PMM2: variants seen among roughly 807,000 people sequenced by gnomAD.
PMM2 encodes the protein mannose-6-phosphate isomerase.
PMM2 carries 35 observed loss-of-function variants against 33.2 expected under a neutral mutation model. That is an observed-to-expected ratio of 1.06 (90% confidence interval 0.81 to 1.40). The LOEUF (loss-of-function observed/expected upper bound fraction) is 1.40, where lower values mean the gene tolerates loss of function less well. PMM2 is among the 40% of genes most tolerant of loss of function. The probability of loss-of-function intolerance (pLI) is 0.00; values close to 1 mark genes in which losing one functional copy is unlikely to be tolerated. For missense variants in PMM2, 386 were observed against 306.0 expected, an observed-to-expected ratio of 1.26 and a Z score of -1.95; for synonymous variants, 153 against 114.7, an observed-to-expected ratio of 1.33 and a Z score of -2.13.
Position 8,848,040 on chromosome 16 carries a change from C to T in PMM2, c.*215C>T, listed in dbSNP as rs2060939873. On this transcript the variant is annotated 3_prime_UTR_variant, in exon 8 of 8. Coordinates refer to ENST00000268261, the MANE Select transcript of PMM2 (RefSeq NM_000303.3). ...TTGTCAAGAATGGCCCAGAGGAATG[C>T]CTCGCACAAAAGGTCTTCCCCACCC... 3.5e-6 allele frequency: 2 copies of T among 565,168 alleles called. No individual in the cohort carries two copies. The highest frequency in any genetic ancestry group is 3.2e-6 in the Non-Finnish European group (1 of 312,620). 35.0% of individuals were successfully genotyped at this position (565,168 alleles called of 1,614,324 possible). A position where few individuals can be genotyped will look rare whatever the true frequency, so the allele number is the denominator to read the frequency against.
intron 7 of PMM2, among the ~76,000 whole-genome samples, chr16:8,816,260 G>T (rs955083510): frequency 1.1e-4 from 17 of 151,992 alleles, no homozygotes; most frequent in African/African-American, 3.6e-4. Context: ...CCGAGTAGCT[G>T]GGATTACAGG....
intron 4 of PMM2, 129 bp downstream of exon 4, chr16:8,806,536 T>C: frequency 1.4e-6 from 1 of 722,182 alleles, no homozygotes. Flanking sequence ...AGTCTGATAT[T>C]TAGCCCGCCC....
At chr16:8,833,284 G>C (rs2060822211) in intron 7 of PMM2, among the ~76,000 whole-genome samples, 1 of 152,326 alleles carries the variant, frequency 6.6e-6, no homozygotes, top group East Asian at 1.9e-4. Flanking sequence ...ACCTTCTTAA[G>C]GGTGGGGGAG....
chr16:8,841,877 C>G (rs2060892975), intron 7 of PMM2, among the ~76,000 whole-genome samples: 1 of 149,160 alleles, frequency 6.7e-6, no homozygotes, highest in Non-Finnish European at 1.5e-5. Context: ...CTGAAGGAGC[C>G]GGGGAGCAGA....
chr16:8,839,313 C>T (rs929391955), intron 7 of PMM2, among the ~76,000 whole-genome samples: 3 of 151,896 alleles, frequency 2.0e-5, no homozygotes, highest in South Asian at 4.2e-4. Flanking sequence ...AGACCTTGTG[C>T]GAGGCAAAAC....
At chr16:8,841,909 G>A (rs1567169925) in intron 7 of PMM2, among the ~76,000 whole-genome samples, 1 of 150,490 alleles carries the variant, frequency 6.6e-6, no homozygotes, top group Non-Finnish European at 1.5e-5. Flanking sequence ...TCAGGTATGA[G>A]GAAGAAAATG....
intron 7 of PMM2, among the ~76,000 whole-genome samples, chr16:8,834,344 G>A (rs1262465765): frequency 3.4e-3 from 524 of 152,160 alleles, no homozygotes; most frequent in African/African-American, 0.012. Flanking sequence ...GATTTGACTA[G>A]TAAAGGCTGG....
At chr16:8,802,420 A>G (rs1265717579) in intron 2 of PMM2, 3 of 393,390 alleles carry the variant, frequency 7.6e-6, no homozygotes, top group Middle Eastern at 3.6e-4. Flanking sequence ...CTAGTGTACA[A>G]CCTTGCTAAT....
At chr16:8,808,940 G>C (rs2060662024) in intron 4 of PMM2, 1 of 152,236 alleles carries the variant, frequency 6.6e-6, no homozygotes, top group South Asian at 2.1e-4. Context: ...TGCAAGTTGA[G>C]CAAAATAGGA....
intron 7 of PMM2, among the ~76,000 whole-genome samples, chr16:8,820,344 A>C (rs1241077529): frequency 2.2e-5 from 3 of 134,722 alleles, no homozygotes; most frequent in African/African-American, 3.1e-5. Context: ...GTGAGGACAC[A>C]GTTCTTCTTT....
chr16:8,846,715 G>C (rs4550444), intron 7 of PMM2, among the ~76,000 whole-genome samples: 113,134 of 152,080 alleles, frequency 0.74, 42,184 homozygotes, highest in African/African-American at 0.78. Context: ...CCACAGAGCT[G>C]TGAGCAAGCT....
chr16:8,831,931 C>T (rs2060812253), intron 7 of PMM2, among the ~76,000 whole-genome samples: 1 of 152,202 alleles, frequency 6.6e-6, no homozygotes, highest in African/African-American at 2.4e-5. Context: ...CCCTTCCCTC[C>T]CTTCTCCAGG....
intron 7 of PMM2, among the ~76,000 whole-genome samples, chr16:8,829,662 G>A (rs1225513802): frequency 2.0e-5 from 3 of 152,166 alleles, no homozygotes; most frequent in Non-Finnish European, 4.4e-5. Flanking sequence ...TTCAAAGGAT[G>A]GTCTCTGAGC....
Position 8,848,017 on chromosome 16 carries a change from G to T in PMM2, c.*192G>T. The T allele has an allele frequency of 1.7e-6, 1 of 600,136 alleles. No homozygotes were observed. Among genetic ancestry groups the T allele is most frequent in the Non-Finnish European group, 3.0e-6 (1 of 332,470 alleles). 37.2% of individuals were successfully genotyped at this position (600,136 alleles called of 1,614,324 possible). On this transcript the variant is annotated 3_prime_UTR_variant, in exon 8 of 8. Transcript: ENST00000268261. ...TTCCAGAAGGAAGGAGAAAACTCTTGTCAAGAATGGCCCAGAGGAATGCCT... is the reference window on the plus strand; with the variant it reads ...TTCCAGAAGGAAGGAGAAAACTCTTTTCAAGAATGGCCCAGAGGAATGCCT...
intron 7 of PMM2, among the ~76,000 whole-genome samples, chr16:8,839,619 CTTCCTAAGCAATAA>C (rs2060876022): frequency 1.3e-5 from 2 of 151,934 alleles, no homozygotes; most frequent in African/African-American, 4.8e-5. Flanking sequence ...GGGCAAGTGT[CTTCCTAAGCAATAA>C]TTACTGCTAA....
chr16:8,825,998 C>T (rs1054424936), intron 7 of PMM2, among the ~76,000 whole-genome samples: 2 of 152,130 alleles, frequency 1.3e-5, no homozygotes, highest in African/African-American at 4.8e-5. Flanking sequence ...TCGTGATCTG[C>T]CTGCGTCGGC....
Position 8,811,406 on chromosome 16 carries a change from G to A in PMM2, c.447+228G>A, listed in dbSNP as rs145960511. ...ATGGTGGCACACACCTGTGGTCCCG[G>A]CTATTTGTTTGGCTGAGGTAAGAGG... On this transcript the variant is annotated intron_variant, in intron 5 of 7. Coordinates refer to ENST00000268261, the MANE Select transcript of PMM2 (RefSeq NM_000303.3). Among the ~76,000 whole-genome samples, 757 of 152,256 alleles carry A rather than the reference G, an allele frequency of 5.0e-3. 3 individuals are homozygous for A. The highest frequency in any genetic ancestry group is 0.017 in the African/African-American group (713 of 41,538).
Position 8,813,220 on chromosome 16 carries a change from C to G in PMM2, c.639+114C>G, listed in dbSNP as rs191908746. On this transcript the variant is annotated intron_variant, in intron 7 of 7. Transcript: ENST00000268261. ...ACTTTACCCACCCGCCCTGCTCAAA[C>G]TGAGCAGTGGCTTCTGTCCTGGAGA... is the stretch of plus-strand genomic sequence containing the variant. 186 of 768,432 alleles carry G rather than the reference C, an allele frequency of 2.4e-4. No individual in the cohort carries two copies. The African/African-American group carries it at 2.8e-3, about 12-fold the overall frequency. The allele number at this position is 768,432 out of a possible 1,614,324, so 47.6% of individuals were successfully genotyped here.
intron 7 of PMM2, among the ~76,000 whole-genome samples, chr16:8,824,653 G>A (rs559955590): frequency 1.3e-5 from 2 of 151,702 alleles, no homozygotes; most frequent in Admixed American, 1.3e-4. Context: ...TTGGACTTTA[G>A]GGGACTTTTT....
Sources: gnomAD v4.1 joint callset for allele counts (sites outside exome capture counted in the v4.1 genomes callset) on GRCh38, gnomAD v4.1.1 for gene constraint, MANE v1.5 for transcripts, NCBI Gene and HGNC (gene_info 2026-07-23, HGNC 2026-07-21) for gene names.